UBAC2: variants seen among roughly 807,000 people sequenced by gnomAD.
The protein encoded by UBAC2 is UBA domain containing 2, also known as ubiquitin-associated domain-containing protein 2.
In UBAC2, 26 loss-of-function variants were observed where a neutral mutation model predicts 44.0. That is an observed-to-expected ratio of 0.59 (90% confidence interval 0.43 to 0.82). The LOEUF (loss-of-function observed/expected upper bound fraction) is 0.82. Among genes scored for constraint, UBAC2 ranks in the 40% least tolerant of loss-of-function variants. The pLI is 0.00. For missense variants in UBAC2, 329 were observed against 419.4 expected (o/e 0.78, Z 1.88); for synonymous variants, 155 against 154.3 (o/e 1.00, Z -0.04).
intron 8 of UBAC2, among the ~76,000 whole-genome samples, chr13:99,376,500 C>T (rs1050605543): frequency 6.6e-6 from 1 of 152,226 alleles, no homozygotes; most frequent in African/African-American, 2.4e-5. Flanking sequence ...TGGAGTTTGC[C>T]ATTGCCACAG....
intron 6 of UBAC2, among the ~76,000 whole-genome samples, chr13:99,323,001 C>T (rs770864830): frequency 6.6e-6 from 1 of 152,140 alleles, no homozygotes; most frequent in Admixed American, 6.5e-5. Context: ...AACAGCATAA[C>T]CTGCTGTGGA....
chr13:99,296,376 G>A (rs1234055504), intron 4 of UBAC2, among the ~76,000 whole-genome samples: 1 of 152,108 alleles, frequency 6.6e-6, no homozygotes, highest in African/African-American at 2.4e-5. Context: ...AATAAAATTT[G>A]TGTTTTTACT....
At chr13:99,244,056 T>C in intron 3 of UBAC2, 105 bp downstream of exon 3, 1 of 949,728 alleles carries the variant, frequency 1.1e-6, no homozygotes, top group Non-Finnish European at 1.5e-6. Context: ...ACAGTTATCT[T>C]TTTAATTACA....
intron 2 of UBAC2, among the ~76,000 whole-genome samples, chr13:99,242,654 C>G (rs1288725715): frequency 1.0e-5 from 1 of 96,320 alleles, no homozygotes; most frequent in African/African-American, 4.2e-5. Flanking sequence ...ACCTCCCTCC[C>G]GGACGGGGCG....
At chr13:99,243,395 GATTAAA>G (rs2043343977) in intron 2 of UBAC2, among the ~76,000 whole-genome samples, 1 of 152,018 alleles carries the variant, frequency 6.6e-6, no homozygotes, top group Admixed American at 6.5e-5. Flanking sequence ...GTAAGTTGAT[GATTAAA>G]ATTAAGCTCA....
Position 99,314,142 on chromosome 13 carries a change from A to G in UBAC2, c.435A>G (p.Ile145Met). Residue 145 changes from isoleucine to methionine, a missense_variant, in exon 5 of 9, where the codon ATA becomes ATG. Transcript: ENST00000403766. ...TGTTTGTACCATTTTACTGCTCCATACCAAGAGTCCAAGTGGCACAAATTC... is the reference window on the plus strand; with the variant it reads ...TGTTTGTACCATTTTACTGCTCCATGCCAAGAGTCCAAGTGGCACAAATTC... ...FALFVPFYCS[I>M]PRVQVAQILG... 1.9e-6 allele frequency: 3 copies of G among 1,613,802 alleles called. No individual in the cohort carries two copies. The highest frequency in any genetic ancestry group is 2.5e-6 in the Non-Finnish European group (3 of 1,179,934).
intron 1 of UBAC2, among the ~76,000 whole-genome samples, chr13:99,214,868 A>G (rs1234784869): frequency 5.9e-5 from 9 of 152,064 alleles, no homozygotes; most frequent in Admixed American, 2.0e-4. Context: ...CACTGCTGTC[A>G]TGCTTGTTCG....
intron 4 of UBAC2, among the ~76,000 whole-genome samples, chr13:99,310,983 C>T (rs563263545): frequency 6.6e-6 from 1 of 152,178 alleles, no homozygotes; most frequent in African/African-American, 2.4e-5. Flanking sequence ...CATATGAAAC[C>T]ATGTGTTTTA....
At chr13:99,364,047 C>A (rs2138886665) in intron 7 of UBAC2, among the ~76,000 whole-genome samples, 1 of 152,114 alleles carries the variant, frequency 6.6e-6, no homozygotes, top group East Asian at 1.9e-4. Flanking sequence ...CTTTGAGAGA[C>A]ATTTGTAAAC....
intron 1 of UBAC2, among the ~76,000 whole-genome samples, chr13:99,222,396 A>G (rs2043060917): frequency 6.6e-6 from 1 of 152,220 alleles, no homozygotes; most frequent in Admixed American, 6.5e-5. Flanking sequence ...TGGGAGTGGC[A>G]GGAGCAAAGT....
chr13:99,303,732 T>G (rs1256065717), intron 4 of UBAC2, among the ~76,000 whole-genome samples: 1 of 152,180 alleles, frequency 6.6e-6, no homozygotes, highest in Non-Finnish European at 1.5e-5. Flanking sequence ...TCTTTCAAGT[T>G]CAAGGAGTTT....
In UBAC2 at chr13:99,245,686, C is replaced by T. The variant is rs556581478; in HGVS notation, c.389+1062C>T. Among the ~76,000 whole-genome samples, 15 of 152,276 alleles carry T rather than the reference C, an allele frequency of 9.9e-5. No homozygotes were observed. In the South Asian group the frequency reaches 2.9e-3, roughly 29 times the overall value. ...TGAAACCCCATCTCTACTAGAAATA[C>T]AAAAATTAGTTGGGCGTGGTGGCAC... is the stretch of plus-strand genomic sequence containing the variant. On this transcript the variant is annotated intron_variant, in intron 4 of 8. Coordinates refer to ENST00000403766, the MANE Select transcript of UBAC2 (RefSeq NM_001144072.2).
intron 4 of UBAC2, among the ~76,000 whole-genome samples, chr13:99,263,434 GAAAATT>G (rs1177013415): frequency 2.0e-5 from 3 of 152,164 alleles, no homozygotes; most frequent in Non-Finnish European, 4.4e-5. Flanking sequence ...TTGGGAAAAT[GAAAATT>G]AAAACCACAG....
At chr13:99,283,713 CTTTTTTTTTTTTTTTTTTT>C (rs71118470) in intron 4 of UBAC2, among the ~76,000 whole-genome samples, 78 of 62,600 alleles carry the variant, frequency 1.2e-3, no homozygotes, top group African/African-American at 4.4e-3. Context: ...TTAATGCCAC[CTTTTTTTTTTTTTTTTTTT>C]TTTTTTTTTT....
chr13:99,209,374 A>G (rs148914448), intron 1 of UBAC2, among the ~76,000 whole-genome samples: 13 of 152,306 alleles, frequency 8.5e-5, no homozygotes, highest in Non-Finnish European at 1.3e-4. Flanking sequence ...CTGCCTTGCA[A>G]TCACTCTTGG....
intron 7 of UBAC2, among the ~76,000 whole-genome samples, chr13:99,358,096 G>A (rs1007766434): frequency 2.6e-5 from 4 of 152,124 alleles, no homozygotes; most frequent in Admixed American, 6.5e-5. Flanking sequence ...GTGAGAGCAC[G>A]CAGAGGAGTA....
At chr13:99,279,453 C>T (rs2043925212) in intron 4 of UBAC2, among the ~76,000 whole-genome samples, 1 of 152,134 alleles carries the variant, frequency 6.6e-6, no homozygotes, top group South Asian at 2.1e-4. Context: ...TTGTGATATG[C>T]TTTCTTAGAA....
At position 99,295,342 on chromosome 13, in the gene UBAC2, C is replaced by T. The variant is rs2044153366; in HGVS notation, c.390-18755C>T. ...AATTAGAGAAACGAAGCTTCTTAAT[C>T]ATATGTTGAATAATTGCAACATGGT... On this transcript the variant is annotated intron_variant, in intron 4 of 8. Coordinates refer to ENST00000403766, the MANE Select transcript of UBAC2 (RefSeq NM_001144072.2). The surrounding 1 kb of genome is among the most constrained non-coding windows in gnomAD (Gnocchi z 4.1). 1 of 1,614,114 alleles carries T rather than the reference C, an allele frequency of 6.2e-7. No individual in the cohort carries two copies. Among genetic ancestry groups the T allele is most frequent in the Non-Finnish European group, 8.5e-7 (1 of 1,179,996 alleles).
At position 99,243,963 on chromosome 13, in the gene UBAC2, T is replaced by C. The variant is rs776863620; in HGVS notation, c.279+12T>C. ...GCAGAAAATTTGCAGTAAGTTTTTA[T>C]GTATTTTGTCTTTGCTACTTAGGCT... On this transcript the variant is annotated intron_variant, in intron 3 of 8. Transcript: ENST00000403766. 1 of 1,522,322 alleles carries C rather than the reference T, an allele frequency of 6.6e-7. No individual in the cohort carries two copies. The highest frequency in any genetic ancestry group is 8.8e-7 in the Non-Finnish European group (1 of 1,136,996). The allele number at this position is 1,522,322 out of a possible 1,614,324, so 94.3% of individuals were successfully genotyped here.
Sources: allele counts gnomAD v4.1 joint callset (sites outside exome capture counted in the v4.1 genomes callset), GRCh38; gene constraint gnomAD v4.1.1; non-coding constraint Gnocchi (gnomAD v3.1); transcripts MANE v1.5; gene names NCBI Gene and HGNC (gene_info 2026-07-23, HGNC 2026-07-21).